PRSS54: variants seen among roughly 807,000 people sequenced by gnomAD.
PRSS54 encodes inactive serine protease 54.
Under a neutral mutation model 19.9 loss-of-function variants are expected in PRSS54, and 16 were observed. The ratio of observed to expected loss-of-function variants is 0.80; its 90% confidence interval spans 0.54 to 1.22. The LOEUF (loss-of-function observed/expected upper bound fraction) is 1.22, where lower values mean the gene tolerates loss of function less well. PRSS54 is among the 50% of genes most tolerant of loss of function. The pLI is 0.00. For missense variants in PRSS54, 444 were observed against 494.8 expected, an observed-to-expected ratio of 0.90 and a Z score of 0.97; for synonymous variants, 177 against 195.8, an observed-to-expected ratio of 0.90 and a Z score of 0.80.
chr16:58,282,480 A>T (rs1964788839), intron 6 of PRSS54: 1 of 152,352 alleles, frequency 6.6e-6, no homozygotes, highest in Non-Finnish European at 1.5e-5. Context: ...AGGAAGCCAC[A>T]CCAGAACAGA....
intron 4 of PRSS54, 137 bp from the exon 5 acceptor site, chr16:58,286,332 T>C: frequency 3.4e-6 from 3 of 877,458 alleles, no homozygotes; most frequent in Non-Finnish European, 5.3e-6. Context: ...TCCTCACCCC[T>C]TTGGACTCAA....
At chr16:58,288,241 C>T (rs757590136) in intron 4 of PRSS54, among the ~76,000 whole-genome samples, 7 of 152,180 alleles carry the variant, frequency 4.6e-5, no homozygotes, top group Non-Finnish European at 8.8e-5. Flanking sequence ...GCCTGGCCAT[C>T]ATGGCAAAAC....
At position 58,280,587 on chromosome 16, in the gene PRSS54, CAG is replaced by C. The variant is rs1964695572; in HGVS notation, c.823_824del (p.Leu275ValfsTer28). 1.9e-6 allele frequency: 3 copies of C among 1,614,106 alleles called. No individual in the cohort carries two copies. The highest frequency in any genetic ancestry group is 2.5e-6 in the Non-Finnish European group (3 of 1,180,026). On this transcript the variant is annotated frameshift_variant, in exon 7 of 7. Transcript: ENST00000567164. LOFTEE classifies it low-confidence loss of function (END_TRUNC). ...TSKAERAGPPLSSLHHWEKLI... is the reference protein window; with the variant it reads ...TSKAERAGPPXSSLHHWEKLI... Reference sequence around the variant, plus strand: ...ACTTTTCCCAGTGGTGGAGTGAGGACAGGGGAGGGCCGGCCCTCTCAGCCTTG... The same window carrying C: ...ACTTTTCCCAGTGGTGGAGTGAGGACGGGAGGGCCGGCCCTCTCAGCCTTG...
intron 4 of PRSS54, among the ~76,000 whole-genome samples, chr16:58,289,005 T>C (rs1007504349): frequency 6.6e-6 from 1 of 152,104 alleles, no homozygotes; most frequent in African/African-American, 2.4e-5. Context: ...AATTTGACCA[T>C]ATATTTGGAG....
At chr16:58,292,794 T>C (rs918331091) in intron 3 of PRSS54, among the ~76,000 whole-genome samples, 7 of 152,342 alleles carry the variant, frequency 4.6e-5, no homozygotes, top group African/African-American at 1.7e-4. Context: ...GTGATGACTT[T>C]TGCTTTTTCA....
chr16:58,280,869 G>T, intron 6 of PRSS54, 112 bp from the exon 7 acceptor site: 1 of 964,082 alleles, frequency 1.0e-6, no homozygotes, highest in Non-Finnish European at 1.5e-6. Context: ...GGTTCTCACT[G>T]GAAATGGGGC....
At chr16:58,287,352 G>C (rs1194540792) in intron 4 of PRSS54, among the ~76,000 whole-genome samples, 1 of 152,200 alleles carries the variant, frequency 6.6e-6, no homozygotes, top group Non-Finnish European at 1.5e-5. Context: ...GTCTTGGCAG[G>C]ATGCAGGGAA....
At chr16:58,293,518 G>A in intron 3 of PRSS54, 2 of 984,706 alleles carry the variant, frequency 2.0e-6, no homozygotes, top group Non-Finnish European at 2.4e-6. Flanking sequence ...CCACCCTAAG[G>A]ATTGGCCCTG....
Position 58,294,070 on chromosome 16 carries a change from G to A in PRSS54, c.-92C>T. The A allele has an allele frequency of 5.9e-6, 3 of 506,380 alleles. No individual in the cohort carries two copies. The South Asian group carries it at 6.9e-5, about 12-fold the overall frequency. The allele number at this position is 506,380 out of a possible 1,614,324, so 31.4% of individuals were successfully genotyped here. A position where few individuals can be genotyped will look rare whatever the true frequency, so the allele number is the denominator to read the frequency against. On this transcript the variant is annotated 5_prime_UTR_variant, in exon 2 of 7. Coordinates refer to ENST00000567164, the MANE Select transcript of PRSS54 (RefSeq NM_001305173.2). ...TGTGGTTTGTGAGATGGCCAGAGAA[G>A]AGAGGGCAGCTTACTCTTGTCAGTT... is the stretch of plus-strand genomic sequence containing the variant.
In PRSS54 at chr16:58,291,067, T is replaced by G; in HGVS notation, c.155A>C (p.Glu52Ala). The G allele has an allele frequency of 6.2e-7, 1 of 1,614,134 alleles. No individual in the cohort carries two copies. Among genetic ancestry groups the G allele is most frequent in the Non-Finnish European group, 8.5e-7 (1 of 1,180,016 alleles). ...DPKEGLVSSMEFPWVVSLQDS... is the reference protein window; with the variant it reads ...DPKEGLVSSMAFPWVVSLQDS... ...CTGCAGCGACACCACCCACGGGAAC[T>G]CCATGCTGCTGACCAAGCCCTCCTT... The change falls in exon 4 of 7, where the codon GAG becomes GCG. Residue 52 changes from glutamate (E) to alanine (A), a missense_variant. Glu to Ala is a moderately radical substitution (Grantham distance 107, BLOSUM62 -1). Transcript: ENST00000567164.
Position 58,293,771 on chromosome 16 carries a change from C to A in PRSS54, c.46G>T (p.Val16Leu). The change falls in exon 3 of 7, where the codon GTG becomes TTG. Residue 16 changes from valine to leucine, a missense_variant. Coordinates refer to ENST00000567164, the MANE Select transcript of PRSS54 (RefSeq NM_001305173.2). Reference sequence around the variant, plus strand: ...AGAAGGCCGAGCAGCACCAGGAGCACCCCTCGCATCTTGCCATCCCCAGAG... The same window carrying A: ...AGAAGGCCGAGCAGCACCAGGAGCAACCCTCGCATCTTGCCATCCCCAGAG... ...GLSGDGKMRG[V>L]LLVLLGLLYS... is the part of the protein sequence containing the mutation. 2 of 1,613,350 alleles carry A rather than the reference C, an allele frequency of 1.2e-6. No individual in the cohort carries two copies. The highest frequency in any genetic ancestry group is 1.7e-6 in the Non-Finnish European group (2 of 1,179,702).
intron 5 of PRSS54, 135 bp downstream of exon 5, chr16:58,285,802 T>G (rs1596902323): frequency 1.1e-6 from 1 of 915,956 alleles, no homozygotes; most frequent in Non-Finnish European, 1.6e-6. Context: ...ACTGATTAGG[T>G]AAGGGTTTCA....
At position 58,286,051 on chromosome 16, in the gene PRSS54, G is replaced by C. The variant is rs746789172; in HGVS notation, c.408C>G (p.Asp136Glu). The C allele has an allele frequency of 1.9e-5, 31 of 1,614,224 alleles. No homozygotes were observed. Among genetic ancestry groups the C allele is most frequent in the Non-Finnish European group, 2.5e-5 (29 of 1,180,038 alleles). The change falls in exon 5 of 7, where the codon GAC becomes GAG. Residue 136 changes from aspartate (D) to glutamate (E), a missense_variant. Transcript: ENST00000567164. Reference protein sequence around the residue: ...MSNNIALLKTDTAMHFGNLVQ... With the variant: ...MSNNIALLKTETAMHFGNLVQ... ...CCAGGTTGCCAAAATGCATCGCTGT[G>C]TCTGTCTTCAGGAGGGCTATGTTGT...
At chr16:58,289,061 G>A (rs981171331) in intron 4 of PRSS54, among the ~76,000 whole-genome samples, 2 of 152,148 alleles carry the variant, frequency 1.3e-5, no homozygotes, top group African/African-American at 4.8e-5. Flanking sequence ...GGTATAAGGA[G>A]ATAATTAAGA....
chr16:58,293,959 A>C, intron 2 of PRSS54, 26 bp downstream of exon 2: 3 of 737,272 alleles, frequency 4.1e-6, no homozygotes, highest in Non-Finnish European at 6.9e-6. Context: ...TCTACTAACA[A>C]AGGTTCCAAG....
At chr16:58,284,816 AAT>A in intron 5 of PRSS54, 95 bp from the exon 6 acceptor site, 1 of 1,288,660 alleles carries the variant, frequency 7.8e-7, no homozygotes, top group Non-Finnish European at 1.0e-6. Context: ...CGAGAGTGAG[AAT>A]TTTTTTTTTT....
rs539820563 is a variant in PRSS54, at chr16:58,294,163, T to C, written c.-185A>G. 3.7e-6 allele frequency: 1 copy of C among 272,760 alleles called. No individual in the cohort carries two copies. Among genetic ancestry groups the C allele is most frequent in the South Asian group, 5.6e-5 (1 of 17,718 alleles). The allele number at this position is 272,760 out of a possible 1,614,324, so 16.9% of individuals were successfully genotyped here. A position where few individuals can be genotyped will look rare whatever the true frequency, so the allele number is the denominator to read the frequency against. On this transcript the variant is annotated 5_prime_UTR_variant, in exon 2 of 7. Transcript: ENST00000567164. Reference sequence around the variant, plus strand: ...TGGGTCTCTGAAAAGGGCTGCTTTTTGACTCGTGGAATTCAACCCTTGCCT... The same window carrying C: ...TGGGTCTCTGAAAAGGGCTGCTTTTCGACTCGTGGAATTCAACCCTTGCCT...
At chr16:58,286,496 GTTT>G (rs11332661) in intron 4 of PRSS54, among the ~76,000 whole-genome samples, 2 of 147,656 alleles carry the variant, frequency 1.4e-5, no homozygotes, top group Non-Finnish European at 3.0e-5. Flanking sequence ...TCTATGAATA[GTTT>G]TTTTTTTTTT....
chr16:58,290,092 C>T (rs1965005205), intron 4 of PRSS54, among the ~76,000 whole-genome samples: 1 of 148,954 alleles, frequency 6.7e-6, no homozygotes, highest in South Asian at 2.1e-4. Flanking sequence ...TACATATATA[C>T]ATATATTACA....
Sources: allele counts gnomAD v4.1 joint callset (sites outside exome capture counted in the v4.1 genomes callset), GRCh38; gene constraint gnomAD v4.1.1; transcripts MANE v1.5; gene names NCBI Gene and HGNC (gene_info 2026-07-23, HGNC 2026-07-21).